Variants in CSRNP3 observed in about 807,000 individuals in gnomAD.
CSRNP3 encodes cysteine and serine rich nuclear protein 3.
In CSRNP3, 12 loss-of-function variants were observed where a neutral mutation model predicts 48.0. The ratio of observed to expected loss-of-function variants is 0.25; its 90% CI spans 0.16 to 0.41. CSRNP3 has a LOEUF of 0.41. Ranked by LOEUF, CSRNP3 falls within the 10% of genes least tolerant of loss-of-function variation. The probability of loss-of-function intolerance (pLI) is 1.00; values close to 1 mark genes in which losing one functional copy is unlikely to be tolerated. For synonymous variants in CSRNP3, 263 were observed against 269.7 expected, an observed-to-expected ratio of 0.98 and a Z score of 0.24; for missense variants, 580 against 724.4, an observed-to-expected ratio of 0.80 and a Z score of 2.29.
intron 5 of CSRNP3, among the ~76,000 whole-genome samples, chr2:165,673,159 A>G (rs1213073049): frequency 6.8e-5 from 1 of 14,754 alleles, no homozygotes; most frequent in Non-Finnish European, 2.3e-4. Flanking sequence ...TTTTTTTGAG[A>G]CAGGGCATCA....
intron 5 of CSRNP3, among the ~76,000 whole-genome samples, chr2:165,672,133 C>G (rs1038522591): frequency 2.0e-5 from 3 of 152,180 alleles, no homozygotes; most frequent in African/African-American, 7.2e-5. Flanking sequence ...AAGTTCTGAA[C>G]TTTCCCACAT....
At chr2:165,587,111 GCTCACA>G (rs1685645621) in intron 3 of CSRNP3, among the ~76,000 whole-genome samples, 1 of 152,168 alleles carries the variant, frequency 6.6e-6, no homozygotes, top group African/African-American at 2.4e-5. Flanking sequence ...TCATAAATGT[GCTCACA>G]GGCTTCTGAG....
At chr2:165,504,891 A>G (rs556415262) in intron 2 of CSRNP3, among the ~76,000 whole-genome samples, 1 of 152,164 alleles carries the variant, frequency 6.6e-6, no homozygotes, top group African/African-American at 2.4e-5. Context: ...ATTGCTGCAT[A>G]TGAGCAGACT....
At chr2:165,633,747 C>T (rs1485503783) in intron 4 of CSRNP3, among the ~76,000 whole-genome samples, 2 of 152,166 alleles carry the variant, frequency 1.3e-5, no homozygotes, top group Non-Finnish European at 2.9e-5. Context: ...ATAGTAGTTG[C>T]TCCATAAATT....
At chr2:165,655,653 A>G (rs1333062929) in intron 4 of CSRNP3, among the ~76,000 whole-genome samples, 7 of 152,208 alleles carry the variant, frequency 4.6e-5, no homozygotes, top group Non-Finnish European at 1.0e-4. Context: ...TCGGGAGGCT[A>G]GATGACCAAG....
chr2:165,611,834 C>T (rs1211983155), intron 4 of CSRNP3, among the ~76,000 whole-genome samples: 3 of 152,056 alleles, frequency 2.0e-5, no homozygotes, highest in South Asian at 2.1e-4. Context: ...TGTCTGTAGA[C>T]GCTTCAAAGT....
At chr2:165,606,592 C>T (rs1276250123) in intron 4 of CSRNP3, among the ~76,000 whole-genome samples, 3 of 152,090 alleles carry the variant, frequency 2.0e-5, no homozygotes, top group African/African-American at 7.2e-5. Context: ...TCTCCTAACA[C>T]TGGCATGAGT....
At chr2:165,568,141 A>G (rs2105272096) in intron 3 of CSRNP3, among the ~76,000 whole-genome samples, 1 of 151,780 alleles carries the variant, frequency 6.6e-6, no homozygotes, top group East Asian at 1.9e-4. Flanking sequence ...CCTTTATTTC[A>G]TGCCCCCATT....
At chr2:165,520,818 T>C (rs1297190089) in intron 3 of CSRNP3, among the ~76,000 whole-genome samples, 2 of 96,930 alleles carry the variant, frequency 2.1e-5, no homozygotes, top group African/African-American at 4.0e-5. Context: ...TATATATATA[T>C]ATATATATAC....
chr2:165,592,119 C>T (rs986133482), intron 3 of CSRNP3, among the ~76,000 whole-genome samples: 9 of 152,250 alleles, frequency 5.9e-5, no homozygotes. Context: ...CTTGCATCAG[C>T]ATGCCCTGGA....
intron 3 of CSRNP3, among the ~76,000 whole-genome samples, chr2:165,530,010 A>C (rs567579134): frequency 6.6e-6 from 1 of 152,228 alleles, no homozygotes; most frequent in Non-Finnish European, 1.5e-5. Context: ...GTTTTTTAAA[A>C]TCATGAGGAA....
intron 3 of CSRNP3, among the ~76,000 whole-genome samples, chr2:165,545,528 T>C (rs777649082): frequency 6.6e-6 from 1 of 152,070 alleles, no homozygotes; most frequent in Non-Finnish European, 1.5e-5. Flanking sequence ...TTATGAACAG[T>C]TCAAAAAGTC....
intron 3 of CSRNP3, among the ~76,000 whole-genome samples, chr2:165,528,270 T>C (rs1028957131): frequency 2.0e-5 from 3 of 152,220 alleles, no homozygotes; most frequent in Non-Finnish European, 2.9e-5. Context: ...AATTTGCATA[T>C]TATTTCTTCA....
intron 3 of CSRNP3, among the ~76,000 whole-genome samples, chr2:165,557,611 C>A (rs114694098): frequency 1.5e-3 from 234 of 152,296 alleles, no homozygotes; most frequent in African/African-American, 5.0e-3. Context: ...GAGCTCCCCC[C>A]ACAACCATAT....
intron 3 of CSRNP3, among the ~76,000 whole-genome samples, chr2:165,589,212 A>G (rs900426946): frequency 1.3e-5 from 2 of 152,170 alleles, no homozygotes; most frequent in African/African-American, 2.4e-5. Context: ...CTTTATTAAT[A>G]GGGCCTTCTC....
chr2:165,575,261 TA>T (rs1187464632), intron 3 of CSRNP3, among the ~76,000 whole-genome samples: 1 of 152,200 alleles, frequency 6.6e-6, no homozygotes, highest in Admixed American at 6.5e-5. Flanking sequence ...TTATTGTTCA[TA>T]TTTTTTTATT....
chr2:165,497,789 C>G (rs1048905825), intron 2 of CSRNP3, among the ~76,000 whole-genome samples: 7 of 151,830 alleles, frequency 4.6e-5, no homozygotes, highest in Admixed American at 4.6e-4. Context: ...ATGTAGATCC[C>G]TAGAGTCTAC....
intron 1 of CSRNP3, among the ~76,000 whole-genome samples, chr2:165,477,485 T>TAC (rs1195062318): frequency 3.3e-5 from 4 of 120,676 alleles, no homozygotes; most frequent in African/African-American, 1.3e-4. Flanking sequence ...ATATATGAAA[T>TAC]ATATATATAT....
intron 5 of CSRNP3, among the ~76,000 whole-genome samples, chr2:165,666,154 A>G (rs1263978114): frequency 4.3e-5 from 5 of 115,992 alleles, no homozygotes; most frequent in African/African-American, 1.3e-4. Context: ...AAGAGAGAGG[A>G]AGAAAGAGAG....
Sources: gnomAD v4.1 joint callset for allele counts (sites outside exome capture counted in the v4.1 genomes callset) on GRCh38, gnomAD v4.1.1 for gene constraint, MANE v1.5 for transcripts, NCBI Gene and HGNC (gene_info 2026-07-23, HGNC 2026-07-21) for gene names.